Variants in PTPRD observed in about 807,000 individuals in gnomAD.
The protein encoded by PTPRD is protein tyrosine phosphatase receptor type D.
PTPRD carries 34 observed loss-of-function variants against 214.5 expected under a neutral mutation model. The observed-to-expected ratio is 0.16, with a 90% CI of 0.12 to 0.21. PTPRD has a LOEUF of 0.21. PTPRD is among the 10% of genes least tolerant of loss of function. The pLI is 1.00. For missense variants in PTPRD, 2,545 were observed against 2,398.7 expected (o/e 1.06, Z -1.27); for synonymous variants, 1,128 against 845.7 (o/e 1.33, Z -5.79).
At chr9:9,580,615 C>T (rs1436556824) in intron 7 of PTPRD, among the ~76,000 whole-genome samples, 2 of 135,934 alleles carry the variant, frequency 1.5e-5, no homozygotes, top group Admixed American at 8.3e-5. Context: ...GTGGTGTGAT[C>T]TCTGCTCACT....
intron 14 of PTPRD, among the ~76,000 whole-genome samples, chr9:8,574,896 G>A (rs2092048589): frequency 1.3e-5 from 2 of 151,918 alleles, no homozygotes; most frequent in Admixed American, 6.6e-5. Flanking sequence ...TAAAAAGGAA[G>A]AATATGCATG....
intron 8 of PTPRD, among the ~76,000 whole-genome samples, chr9:9,498,001 A>G (rs1212345478): frequency 6.6e-6 from 1 of 152,116 alleles, no homozygotes; most frequent in East Asian, 1.9e-4. Context: ...TGAGTAATGT[A>G]TTTTGCTTGC....
chr9:9,636,800 T>C (rs998272116), intron 7 of PTPRD, among the ~76,000 whole-genome samples: 6 of 152,190 alleles, frequency 3.9e-5, no homozygotes, highest in African/African-American at 1.4e-4. Context: ...TATAACAGAA[T>C]ATCAAATATG....
At chr9:9,051,713 C>A (rs1169347098) in intron 10 of PTPRD, among the ~76,000 whole-genome samples, 1 of 152,108 alleles carries the variant, frequency 6.6e-6, no homozygotes, top group Non-Finnish European at 1.5e-5. Context: ...CTTCTGTAGA[C>A]CATGTTCACA....
intron 2 of PTPRD, among the ~76,000 whole-genome samples, chr9:10,595,640 T>C (rs2076454197): frequency 6.6e-6 from 1 of 151,386 alleles, no homozygotes; most frequent in Non-Finnish European, 1.5e-5. Flanking sequence ...TTTAATTGAT[T>C]CACAATTATT....
intron 5 of PTPRD, among the ~76,000 whole-genome samples, chr9:9,917,964 C>T (rs2081410618): frequency 6.6e-6 from 1 of 152,038 alleles, no homozygotes; most frequent in Non-Finnish European, 1.5e-5. Flanking sequence ...AAACATCTTA[C>T]TGATCAGTGA....
In PTPRD at chr9:10,334,892, G is replaced by A. The variant is rs569284264; in HGVS notation, c.-545+6071C>T. 7.9e-5 allele frequency among the ~76,000 whole-genome samples: 12 copies of A among 151,738 alleles called. No homozygotes were observed. The East Asian group carries it at 1.4e-3, about 17-fold the overall frequency. ...CTTTGGCATAAATCTAACAAAATAT[G>A]TATGTGATATACATGATACACACTA... On this transcript the variant is annotated intron_variant, in intron 3 of 45. Coordinates refer to ENST00000381196, the MANE Select transcript of PTPRD (RefSeq NM_002839.4).
chr9:8,660,016 G>C (rs771374445), intron 12 of PTPRD, among the ~76,000 whole-genome samples: 6 of 152,140 alleles, frequency 3.9e-5, no homozygotes, highest in Non-Finnish European at 8.8e-5. Context: ...CATCCAAATT[G>C]GTGGAGACAC....
intron 8 of PTPRD, among the ~76,000 whole-genome samples, chr9:9,506,843 G>T (rs191254480): frequency 3.0e-4 from 46 of 151,446 alleles, no homozygotes; most frequent in Non-Finnish European, 5.6e-4. Flanking sequence ...AAAAGTCACA[G>T]GACCTACCAG....
At chr9:10,032,207 G>A (rs1283635702) in intron 4 of PTPRD, among the ~76,000 whole-genome samples, 1 of 152,158 alleles carries the variant, frequency 6.6e-6, no homozygotes, top group African/African-American at 2.4e-5. Context: ...AATAACTTGG[G>A]TTAAATGGTT....
intron 7 of PTPRD, among the ~76,000 whole-genome samples, chr9:9,719,072 T>C (rs1259303467): frequency 1.3e-5 from 2 of 152,154 alleles, no homozygotes. Flanking sequence ...GCCAGTTGAA[T>C]GGTGCTTTTT....
At chr9:8,665,473 A>T (rs2097151987) in intron 12 of PTPRD, among the ~76,000 whole-genome samples, 1 of 152,226 alleles carries the variant, frequency 6.6e-6, no homozygotes, top group Non-Finnish European at 1.5e-5. Context: ...GATCCTTTGA[A>T]CAGCTACTGA....
chr9:9,803,830 C>T (rs2099056731), intron 5 of PTPRD: 1 of 151,848 alleles, frequency 6.6e-6, no homozygotes, highest in South Asian at 2.1e-4. Flanking sequence ...TGTTAATGAG[C>T]TTGGAGTAGT....
intron 8 of PTPRD, among the ~76,000 whole-genome samples, chr9:9,526,941 T>C (rs1394497092): frequency 1.3e-5 from 2 of 152,112 alleles, no homozygotes; most frequent in Non-Finnish European, 2.9e-5. Context: ...TCAATAAAAG[T>C]TGGAGTCAAG....
At chr9:10,114,836 T>A (rs894318462) in intron 3 of PTPRD, among the ~76,000 whole-genome samples, 14 of 152,008 alleles carry the variant, frequency 9.2e-5, no homozygotes, top group Non-Finnish European at 2.1e-4. Flanking sequence ...CATGTTATAG[T>A]CCCAACTTTT....
At chr9:8,659,284 G>C (rs1339001666) in intron 12 of PTPRD, among the ~76,000 whole-genome samples, 2 of 152,182 alleles carry the variant, frequency 1.3e-5, no homozygotes, top group Admixed American at 6.5e-5. Flanking sequence ...TCAGGAGACT[G>C]TGTTGGCCAG....
chr9:10,006,337 T>C (rs921020931), intron 4 of PTPRD, among the ~76,000 whole-genome samples: 26 of 152,016 alleles, frequency 1.7e-4, no homozygotes, highest in African/African-American at 5.6e-4. Flanking sequence ...AATTTTTTCA[T>C]TGATTTAATA....
chr9:10,387,322 G>A (rs2154488119), intron 2 of PTPRD, among the ~76,000 whole-genome samples: 1 of 151,680 alleles, frequency 6.6e-6, no homozygotes, highest in East Asian at 2.0e-4. Flanking sequence ...TTTTCTTTAT[G>A]TTTTCTAAGG....
At chr9:10,208,811 G>A (rs114819115) in intron 3 of PTPRD, among the ~76,000 whole-genome samples, 1 of 152,098 alleles carries the variant, frequency 6.6e-6, no homozygotes, top group African/African-American at 2.4e-5. Flanking sequence ...AAATGAAACA[G>A]ATGCTTATTA....
Sources: allele counts gnomAD v4.1 joint callset (sites outside exome capture counted in the v4.1 genomes callset), GRCh38; gene constraint gnomAD v4.1.1; transcripts MANE v1.5; gene names NCBI Gene and HGNC (gene_info 2026-07-23, HGNC 2026-07-21).